C5orf34: variants seen among roughly 807,000 people sequenced by gnomAD.
C5orf34 encodes the protein uncharacterized protein C5orf34.
C5orf34 carries 73 observed loss-of-function variants against 78.4 expected under a neutral mutation model. The observed-to-expected ratio is 0.93, with a 90% CI of 0.77 to 1.13. C5orf34 has a LOEUF of 1.13. Ranked by LOEUF, C5orf34 falls within the 50% of genes most tolerant of loss-of-function variation. The pLI, the probability that C5orf34 is intolerant of heterozygous loss-of-function variation, is 0.00. For synonymous variants in C5orf34, 251 were observed against 246.6 expected (o/e 1.02, Z -0.17); for missense variants, 730 against 732.7 (o/e 1.00, Z 0.04).
intron 11 of C5orf34, among the ~76,000 whole-genome samples, chr5:43,489,258 AAAT>A (rs1377329425): frequency 1.3e-5 from 2 of 152,114 alleles, no homozygotes; most frequent in African/African-American, 4.8e-5. Context: ...GGCGGAAAAA[AAAT>A]ACTAGAATAC....
At chr5:43,492,031 C>A (rs1398127445) in intron 10 of C5orf34, among the ~76,000 whole-genome samples, 184 bp downstream of exon 10, 1 of 145,434 alleles carries the variant, frequency 6.9e-6, no homozygotes, top group Admixed American at 6.8e-5. Context: ...AAAAAGCTGA[C>A]TTGATCTATT....
At chr5:43,513,967 C>T (rs1179035016) in intron 1 of C5orf34, among the ~76,000 whole-genome samples, 1 of 152,178 alleles carries the variant, frequency 6.6e-6, no homozygotes, top group Admixed American at 6.5e-5. Flanking sequence ...AACAGTATCT[C>T]TGGCATCTAA....
At chr5:43,504,791 T>A (rs892151313) in intron 4 of C5orf34, among the ~76,000 whole-genome samples, 3 of 152,222 alleles carry the variant, frequency 2.0e-5, no homozygotes, top group African/African-American at 7.2e-5. Context: ...TCATGGTAAG[T>A]TATTGAAAAA....
chr5:43,492,714 A>G lies in C5orf34; in HGVS notation c.1485+6T>C. The G allele has an allele frequency of 6.2e-7, 1 of 1,608,028 alleles. No individual in the cohort carries two copies. The highest frequency in any genetic ancestry group is 8.5e-7 in the Non-Finnish European group (1 of 1,176,752). ...AAAAATAGATCTAAGTCTGAAGTAT[A>G]CCCACCTGTCTCTTCTCAATAGGAG... is the stretch of plus-strand genomic sequence containing the variant. On this transcript the variant is annotated splice_donor_region_variant and intron_variant, in intron 9 of 12. Coordinates refer to ENST00000306862, the MANE Select transcript of C5orf34 (RefSeq NM_198566.4).
In C5orf34 at chr5:43,486,941, A is replaced by G. The variant is rs1213306241; in HGVS notation, c.1891T>C (p.Cys631Arg). ...CACTTTTTAGAGTTTGATAGAAGACAGTCAATATCGTGAAGGATTTCAGAG... is the reference window on the plus strand; with the variant it reads ...CACTTTTTAGAGTTTGATAGAAGACGGTCAATATCGTGAAGGATTTCAGAG... ...KTSEILHDID[C>R]LLSNSKK The change falls in exon 13 of 13, where the codon TGT becomes CGT. Residue 631 changes from cysteine to arginine, a missense_variant. Cys to Arg is a radical substitution (Grantham distance 180, BLOSUM62 -3). Coordinates refer to ENST00000306862, the MANE Select transcript of C5orf34 (RefSeq NM_198566.4). 1 of 1,543,790 alleles carries G rather than the reference A, an allele frequency of 6.5e-7. No individual in the cohort carries two copies. Among genetic ancestry groups the G allele is most frequent in the Non-Finnish European group, 8.7e-7 (1 of 1,150,980 alleles).
Position 43,492,981 on chromosome 5 carries a change from A to T in C5orf34, c.1315-91T>A, listed in dbSNP as rs1033133388. The T allele has an allele frequency of 2.2e-5, 18 of 805,602 alleles. No individual in the cohort carries two copies. The Admixed American group carries it at 5.0e-4, about 22-fold the overall frequency. The allele number at this position is 805,602 out of a possible 1,614,324, so 49.9% of individuals were successfully genotyped here. A position where few individuals can be genotyped will look rare whatever the true frequency, so the allele number is the denominator to read the frequency against. ...TAATGACTCTAGGGCAATTTTGGAT[A>T]CTTATTCAGAAGTCAAATATTATAA... On this transcript the variant is annotated intron_variant, in intron 8 of 12. Coordinates refer to ENST00000306862, the MANE Select transcript of C5orf34 (RefSeq NM_198566.4).
chr5:43,505,609 A>G (rs1745945927), intron 4 of C5orf34, 139 bp downstream of exon 4: 2 of 745,312 alleles, frequency 2.7e-6, no homozygotes, highest in Non-Finnish European at 4.3e-6. Context: ...TGCTAGGGAA[A>G]TTATTTACTA....
intron 9 of C5orf34, 21 bp from the exon 10 acceptor site, chr5:43,492,330 G>A (rs1561207278): frequency 6.7e-7 from 1 of 1,486,282 alleles, no homozygotes; most frequent in Non-Finnish European, 9.3e-7. Context: ...AGAAAGATAA[G>A]TTTTATCATT....
intron 1 of C5orf34, among the ~76,000 whole-genome samples, chr5:43,510,403 A>C (rs2112334974): frequency 6.6e-6 from 1 of 152,300 alleles, no homozygotes; most frequent in East Asian, 1.9e-4. Context: ...CAGTGACAGA[A>C]GGGGAATTAA....
chr5:43,491,845 A>G (rs1308766519), intron 10 of C5orf34, among the ~76,000 whole-genome samples: 4 of 152,060 alleles, frequency 2.6e-5, no homozygotes, highest in African/African-American at 9.7e-5. Context: ...CTCTACTAAA[A>G]ATACAAAAAT....
chr5:43,498,213 T>G (rs1315452490), intron 6 of C5orf34, among the ~76,000 whole-genome samples: 4 of 152,220 alleles, frequency 2.6e-5, no homozygotes, highest in African/African-American at 7.2e-5. Flanking sequence ...AGCACAGTGC[T>G]TAGCACATGG....
chr5:43,507,245 C>T lies in C5orf34; in HGVS notation c.286-851G>A, dbSNP rs187116930. On this transcript the variant is annotated intron_variant, in intron 3 of 12. Transcript: ENST00000306862. ...TATAAGATATAAACAGTAGATATTG[C>T]GTGAGAGGTTTTTACTGAATTAATT... Among the ~76,000 whole-genome samples the T allele has an allele frequency of 6.6e-5, 10 of 152,254 alleles. No individual in the cohort carries two copies. In the East Asian group the frequency reaches 7.7e-4, roughly 12 times the overall value.
chr5:43,489,514 A>G (rs1382606010), intron 11 of C5orf34, among the ~76,000 whole-genome samples: 1 of 152,156 alleles, frequency 6.6e-6, no homozygotes, highest in Non-Finnish European at 1.5e-5. Flanking sequence ...AAGGCTGATG[A>G]TATTTTACAA....
At chr5:43,494,732 C>T (rs140132862) in intron 6 of C5orf34, 131 bp from the exon 7 acceptor site, 3 of 513,462 alleles carry the variant, frequency 5.8e-6, no homozygotes, top group South Asian at 7.8e-5. Context: ...ATAAAGCCCA[C>T]AAAATCATGG....
intron 6 of C5orf34, among the ~76,000 whole-genome samples, chr5:43,502,138 T>C (rs746033567): frequency 1.3e-3 from 194 of 152,306 alleles, no homozygotes; most frequent in Non-Finnish European, 2.4e-3. Flanking sequence ...AAAGAAAGTT[T>C]CTGATTTAAA....
chr5:43,487,046 C>CA lies in C5orf34; in HGVS notation c.1785dup (p.Asp596Ter), dbSNP rs1745099010. 5.7e-6 allele frequency: 9 copies of CA among 1,581,086 alleles called. No individual in the cohort carries two copies. Among genetic ancestry groups the CA allele is most frequent in the Non-Finnish European group, 7.7e-6 (9 of 1,164,744 alleles). On this transcript the variant is annotated frameshift_variant, in exon 13 of 13. Transcript: ENST00000306862. LOFTEE classifies it high-confidence loss of function. ...TCTGAAGATCCTGGTTTATAATGATCAAAAGACTGTTGTTCATTTTTCTTG... is the reference window on the plus strand; with the variant it reads ...TCTGAAGATCCTGGTTTATAATGATCAAAAAGACTGTTGTTCATTTTTCTTG...
chr5:43,506,732 GA>G (rs1389348939), intron 3 of C5orf34, among the ~76,000 whole-genome samples: 1 of 150,480 alleles, frequency 6.6e-6, no homozygotes. Context: ...AGTTTACTCT[GA>G]AAAAAAACTA....
chr5:43,494,464 T>G, intron 7 of C5orf34, 46 bp downstream of exon 7: 1 of 1,246,902 alleles, frequency 8.0e-7, no homozygotes, highest in Non-Finnish European at 1.2e-6. Flanking sequence ...TGTGCCAAGA[T>G]GTTTAGACAC....
chr5:43,497,156 ATTCT>A (rs56057778), intron 6 of C5orf34, among the ~76,000 whole-genome samples: 60,853 of 151,890 alleles, frequency 0.4, 14,456 homozygotes, highest in East Asian at 0.78. Flanking sequence ...TTATTTTAAA[ATTCT>A]TTCTGAGTTT....
Sources: allele counts gnomAD v4.1 joint callset (sites outside exome capture counted in the v4.1 genomes callset), GRCh38; gene constraint gnomAD v4.1.1; transcripts MANE v1.5; gene names NCBI Gene and HGNC (gene_info 2026-07-23, HGNC 2026-07-21).